The following DLGAP2 variants were observed in gnomAD, a reference collection of about 807,000 sequenced individuals.
DLGAP2 encodes the protein DLG associated protein 2, also known as disks large-associated protein 2.
A neutral mutation model predicts 100.3 loss-of-function variants in DLGAP2; 26 were observed. The ratio of observed to expected loss-of-function variants is 0.26; its 90% CI spans 0.19 to 0.36. The LOEUF is 0.36. Ranked by LOEUF, DLGAP2 falls within the 10% of genes least tolerant of loss-of-function variation. DLGAP2 has a pLI of 1.00. For missense variants in DLGAP2, 1,858 were observed against 1,453.2 expected, an observed-to-expected ratio of 1.28 and a Z score of -4.53; for synonymous variants, 886 against 630.1, an observed-to-expected ratio of 1.41 and a Z score of -6.08.
intron 2 of DLGAP2, among the ~76,000 whole-genome samples, chr8:1,096,241 C>A (rs895847553): frequency 1.3e-5 from 2 of 152,204 alleles, no homozygotes; most frequent in African/African-American, 4.8e-5. Context: ...CTCTAAGAAG[C>A]ACCTGGGCCA....
intron 3 of DLGAP2, among the ~76,000 whole-genome samples, chr8:1,372,459 T>G (rs1802265015): frequency 6.6e-6 from 1 of 152,186 alleles, no homozygotes; most frequent in African/African-American, 2.4e-5. Flanking sequence ...GCGAGTCCCC[T>G]CCACAGCAGG....
At chr8:1,073,931 A>G (rs908274813) in intron 2 of DLGAP2, among the ~76,000 whole-genome samples, 2 of 152,214 alleles carry the variant, frequency 1.3e-5, no homozygotes, top group African/African-American at 4.8e-5. Context: ...TCACTGTAAC[A>G]GAAGGGTTTG....
chr8:932,073 T>G (rs985776948), intron 2 of DLGAP2, among the ~76,000 whole-genome samples: 1 of 152,364 alleles, frequency 6.6e-6, no homozygotes, highest in South Asian at 2.1e-4. Context: ...AAACATGTAC[T>G]GTAAGACCTC....
intron 6 of DLGAP2, among the ~76,000 whole-genome samples, chr8:1,582,514 A>T (rs1795963706): frequency 6.7e-6 from 1 of 150,256 alleles, no homozygotes; most frequent in South Asian, 2.1e-4. Context: ...AGTCATCCTT[A>T]GGAAAAAAAA....
At chr8:942,632 C>T (rs73673030) in intron 2 of DLGAP2, among the ~76,000 whole-genome samples, 247 of 152,342 alleles carry the variant, frequency 1.6e-3, no homozygotes, top group Middle Eastern at 3.4e-3. Flanking sequence ...TTCACCTCTT[C>T]ATCCTTCATT....
intron 1 of DLGAP2, among the ~76,000 whole-genome samples, chr8:839,783 C>T (rs915676520): frequency 1.3e-5 from 2 of 152,238 alleles, no homozygotes; most frequent in Non-Finnish European, 2.9e-5. Context: ...CATGGGCATT[C>T]CCTGCCTCTG....
intron 2 of DLGAP2, among the ~76,000 whole-genome samples, chr8:966,547 A>G (rs1421839993): frequency 6.6e-6 from 1 of 152,182 alleles, no homozygotes; most frequent in Non-Finnish European, 1.5e-5. Flanking sequence ...TTTAATTTTC[A>G]AACTTTTTAA....
At chr8:1,656,360 T>A (rs1798285028) in intron 8 of DLGAP2, among the ~76,000 whole-genome samples, 1 of 152,086 alleles carries the variant, frequency 6.6e-6, no homozygotes, top group South Asian at 2.1e-4. Context: ...GCTAAGTTAT[T>A]GGTCAGGGCA....
chr8:1,386,393 TG>T (rs1796220501), intron 3 of DLGAP2, among the ~76,000 whole-genome samples: 1 of 152,170 alleles, frequency 6.6e-6, no homozygotes, highest in Non-Finnish European at 1.5e-5. Context: ...CAGGGGAGCC[TG>T]TGAGCTTTCA....
In DLGAP2 at chr8:1,478,628, C is replaced by T. The variant is rs115853353; in HGVS notation, c.107-22738C>T. Among the ~76,000 whole-genome samples the T allele has an allele frequency of 5.4e-3, 825 of 151,820 alleles. 3 individuals carry two copies. The highest frequency in any genetic ancestry group is 0.018 in the African/African-American group (739 of 41,356). ...TGGCAGCCACCCCCACCCCACAAGG[C>T]CCTCCTTTCTCTATTCCTCTCTCCA... On this transcript the variant is annotated intron_variant, in intron 3 of 14. Coordinates refer to ENST00000637795, the MANE Select transcript of DLGAP2 (RefSeq NM_001346810.2).
chr8:1,452,965 A>C (rs1221420747), intron 3 of DLGAP2, among the ~76,000 whole-genome samples: 1 of 152,204 alleles, frequency 6.6e-6, no homozygotes, highest in Non-Finnish European at 1.5e-5. Flanking sequence ...GTCGGGCGGC[A>C]GGTGTTATGG....
rs561679102 is a variant in DLGAP2 at position 813,265 on chromosome 8, G to A, written c.18+75440G>A. Among the ~76,000 whole-genome samples the A allele has an allele frequency of 2.8e-3, 409 of 144,662 alleles. 3 individuals carry two copies. Among genetic ancestry groups the A allele is most frequent in the African/African-American group, 9.9e-3 (387 of 39,256 alleles). The allele number at this position is 144,662 out of a possible 152,430, so 94.9% of individuals were successfully genotyped here. ...GTGGTTTATATTTCCTTTTCAAAAC[G>A]AAAAAAAAACCAAAATGCTGAGACA... On this transcript the variant is annotated intron_variant, in intron 1 of 14. Coordinates refer to ENST00000637795, the MANE Select transcript of DLGAP2 (RefSeq NM_001346810.2).
rs544174321 is a variant in DLGAP2, at chr8:1,563,078, G to A, written c.1231-2605G>A. Among the ~76,000 whole-genome samples, 107 of 43,718 alleles carry A rather than the reference G, an allele frequency of 2.4e-3. 4 individuals are homozygous for A. The highest frequency in any genetic ancestry group is 0.012 in the African/African-American group (103 of 8,860). The allele number at this position is 43,718 out of a possible 152,430, so 28.7% of individuals were successfully genotyped here. A position where few individuals can be genotyped will look rare whatever the true frequency, so the allele number is the denominator to read the frequency against. On this transcript the variant is annotated intron_variant, in intron 5 of 14. Coordinates refer to ENST00000637795, the MANE Select transcript of DLGAP2 (RefSeq NM_001346810.2). ...GGGGACTGTGTGGTGTTGGGTGTCC[G>A]CGCCTCGTTGCTGGGGGACTGTGTG...
At chr8:1,694,542 C>T (rs1799332213) in intron 13 of DLGAP2, among the ~76,000 whole-genome samples, 1 of 152,168 alleles carries the variant, frequency 6.6e-6, no homozygotes, top group African/African-American at 2.4e-5. Flanking sequence ...AATAACTTAA[C>T]CTCAAAGCGT....
chr8:1,303,789 G>A (rs1187389821), intron 3 of DLGAP2, among the ~76,000 whole-genome samples: 1 of 152,052 alleles, frequency 6.6e-6, no homozygotes, highest in African/African-American at 2.4e-5. Flanking sequence ...TCCTGCATCC[G>A]GTGCTCGTCC....
intron 13 of DLGAP2, among the ~76,000 whole-genome samples, chr8:1,695,261 C>G (rs1289370587): frequency 6.7e-6 from 1 of 149,502 alleles, no homozygotes; most frequent in East Asian, 2.0e-4. Flanking sequence ...ACAGGGGGCA[C>G]AGCCATGCCC....
intron 2 of DLGAP2, among the ~76,000 whole-genome samples, chr8:1,011,942 G>A (rs953377931): frequency 6.6e-6 from 1 of 152,194 alleles, no homozygotes; most frequent in African/African-American, 2.4e-5. Flanking sequence ...GCTCCACCTG[G>A]GCGTGTAGAC....
intron 2 of DLGAP2, among the ~76,000 whole-genome samples, chr8:1,165,196 G>A (rs1006653834): frequency 1.3e-4 from 19 of 150,334 alleles, no homozygotes; most frequent in African/African-American, 3.5e-4. Context: ...GAGGGAAGGA[G>A]GGAGGTAGAG....
At chr8:942,633 A>C (rs944611132) in intron 2 of DLGAP2, among the ~76,000 whole-genome samples, 1 of 152,132 alleles carries the variant, frequency 6.6e-6, no homozygotes, top group Non-Finnish European at 1.5e-5. Context: ...TCACCTCTTC[A>C]TCCTTCATTT....
Sources: gnomAD v4.1 joint callset for allele counts (sites outside exome capture counted in the v4.1 genomes callset) on GRCh38, gnomAD v4.1.1 for gene constraint, MANE v1.5 for transcripts, NCBI Gene and HGNC (gene_info 2026-07-23, HGNC 2026-07-21) for gene names.